Variants in SERPINE2 observed in about 807,000 individuals in gnomAD.
SERPINE2 encodes the protein serpin family E member 2.
A neutral mutation model predicts 36.3 loss-of-function variants in SERPINE2; 14 were observed. That is an observed-to-expected ratio of 0.39 (90% CI 0.25 to 0.60). The LOEUF (loss-of-function observed/expected upper bound fraction) is 0.60. Ranked by LOEUF, SERPINE2 falls within the 20% of genes least tolerant of loss-of-function variation. SERPINE2 has a pLI of 0.57. For synonymous variants in SERPINE2, 192 were observed against 191.8 expected (o/e 1.00, Z -0.01); for missense variants, 418 against 499.6 (o/e 0.84, Z 1.56).
intron 1 of SERPINE2, among the ~76,000 whole-genome samples, chr2:224,029,064 T>C (rs1692277319): frequency 2.0e-5 from 3 of 152,268 alleles, no homozygotes; most frequent in Admixed American, 6.5e-5. Context: ...ATTCATGATT[T>C]ACCACCTTGC....
intron 2 of SERPINE2, among the ~76,000 whole-genome samples, chr2:223,998,817 T>C (rs1036848156): frequency 2.0e-5 from 3 of 151,956 alleles, no homozygotes; most frequent in Admixed American, 1.3e-4. Flanking sequence ...AAGGAGGGAG[T>C]GGGGTTAAAG....
In SERPINE2 at chr2:223,979,925, G is replaced by A. The variant is rs573118378; in HGVS notation, c.1072+386C>T. On this transcript the variant is annotated intron_variant, in intron 7 of 8. Transcript: ENST00000409304. The stretch of plus-strand genomic sequence containing the variant: ...GACAAATCCTGTTTTTATAAATAAA[G>A]TTTTATTGGAACACAGCCACATCTG... 529 of 155,830 alleles carry A rather than the reference G, an allele frequency of 3.4e-3. 3 individuals carry two copies. The highest frequency in any genetic ancestry group is 0.012 in the African/African-American group (514 of 41,702). The allele number at this position is 155,830 out of a possible 1,614,324, so 9.7% of individuals were successfully genotyped here.
intron 1 of SERPINE2, among the ~76,000 whole-genome samples, chr2:224,023,989 T>C (rs1692097844): frequency 6.6e-6 from 1 of 152,224 alleles, no homozygotes; most frequent in African/African-American, 2.4e-5. Flanking sequence ...GAGTTTGAAC[T>C]GGGTACAAGA....
At chr2:223,980,268 C>T in intron 7 of SERPINE2, 43 bp downstream of exon 7, 2 of 1,489,312 alleles carry the variant, frequency 1.3e-6, no homozygotes, top group Middle Eastern at 1.7e-4. Context: ...AATGTGTTTG[C>T]TCCCCTGCTA....
At chr2:224,031,524 C>G (rs1390541121) in intron 1 of SERPINE2, 2 of 985,388 alleles carry the variant, frequency 2.0e-6, no homozygotes, top group Non-Finnish European at 2.4e-6. Context: ...CTCCCTCCTC[C>G]GCCCACAGCC....
At chr2:223,995,497 C>T (rs1690846806) in intron 3 of SERPINE2, among the ~76,000 whole-genome samples, 3 of 152,200 alleles carry the variant, frequency 2.0e-5, no homozygotes, top group African/African-American at 4.8e-5. Context: ...GCTGCTTCTC[C>T]CGTGGCTTTT....
In SERPINE2 at chr2:224,012,392, A is replaced by G. The variant is rs898293239; in HGVS notation, c.-22-10470T>C. Among the ~76,000 whole-genome samples, 6 of 152,284 alleles carry G rather than the reference A, an allele frequency of 3.9e-5. No homozygotes were observed. In the East Asian group the frequency reaches 1.2e-3, roughly 29 times the overall value. Reference sequence around the variant, plus strand: ...AAAGACATGGTAATACATTCTGGATATATCTTAACTGGAAAAAAGTATGGT... The same window carrying G: ...AAAGACATGGTAATACATTCTGGATGTATCTTAACTGGAAAAAAGTATGGT... On this transcript the variant is annotated intron_variant, in intron 1 of 8. Coordinates refer to ENST00000409304, the MANE Select transcript of SERPINE2 (RefSeq NM_001136528.2).
In SERPINE2 at chr2:223,998,386, C is replaced by T. The variant is rs113892582; in HGVS notation, c.260-44G>A. 2.8e-5 allele frequency: 42 copies of T among 1,499,354 alleles called. No individual in the cohort carries two copies. The African/African-American group carries it at 4.7e-4, about 17-fold the overall frequency. The allele number at this position is 1,499,354 out of a possible 1,614,324, so 92.9% of individuals were successfully genotyped here. A position where few individuals can be genotyped will look rare whatever the true frequency, so the allele number is the denominator to read the frequency against. ...GATACAGCAATACTTCCATAAGAAT[C>T]TAGAAAAGTTTTTAAAATCTTTTAT... On this transcript the variant is annotated intron_variant, in intron 2 of 8. Transcript: ENST00000409304.
At chr2:223,995,815 CTCTG>C (rs1415576556) in intron 3 of SERPINE2, among the ~76,000 whole-genome samples, 2 of 152,198 alleles carry the variant, frequency 1.3e-5, no homozygotes, top group Admixed American at 6.5e-5. Context: ...ACATGCCTGT[CTCTG>C]TCTGCTTTTG....
chr2:224,000,740 T>A (rs942224873), intron 2 of SERPINE2, among the ~76,000 whole-genome samples: 1 of 152,170 alleles, frequency 6.6e-6, no homozygotes, highest in South Asian at 2.1e-4. Flanking sequence ...CCTGTGTCCA[T>A]GTGTTCTCAT....
chr2:224,022,013 G>C (rs1283383470), intron 1 of SERPINE2, among the ~76,000 whole-genome samples: 3 of 151,992 alleles, frequency 2.0e-5, no homozygotes, highest in Non-Finnish European at 2.9e-5. Flanking sequence ...CAAAAAATTA[G>C]CCGGGCATGG....
intron 2 of SERPINE2, among the ~76,000 whole-genome samples, chr2:224,000,298 C>T (rs1236417548): frequency 6.6e-6 from 1 of 152,138 alleles, no homozygotes; most frequent in Non-Finnish European, 1.5e-5. Flanking sequence ...AGGGGGGGAG[C>T]CAGTCCTGCT....
intron 1 of SERPINE2, among the ~76,000 whole-genome samples, chr2:224,037,877 A>AT (rs1404745553): frequency 5.3e-5 from 8 of 152,224 alleles, no homozygotes; most frequent in Non-Finnish European, 8.8e-5. Flanking sequence ...ATGGTACGAT[A>AT]TTTTCAAACA....
chr2:223,995,766 AAT>A (rs1690861846), intron 3 of SERPINE2, among the ~76,000 whole-genome samples: 2 of 152,224 alleles, frequency 1.3e-5, no homozygotes, highest in Admixed American at 1.3e-4. Context: ...TTGCATCAGC[AAT>A]AGTTAACACA....
intron 1 of SERPINE2, among the ~76,000 whole-genome samples, chr2:224,035,185 G>A (rs2106206678): frequency 6.6e-6 from 1 of 152,238 alleles, no homozygotes; most frequent in South Asian, 2.1e-4. Context: ...GCATTCCCAG[G>A]CTGTCGATGA....
chr2:223,995,257 G>C (rs1690836032), intron 3 of SERPINE2, among the ~76,000 whole-genome samples: 3 of 152,158 alleles, frequency 2.0e-5, no homozygotes, highest in South Asian at 4.1e-4. Flanking sequence ...TGTAGGGAAG[G>C]AACTATCATT....
chr2:223,997,488 G>C (rs771231613), intron 3 of SERPINE2, among the ~76,000 whole-genome samples: 2 of 152,198 alleles, frequency 1.3e-5, no homozygotes. Flanking sequence ...CCAAAGTGCT[G>C]GGATTACAGG....
chr2:224,031,561 A>C lies in SERPINE2; in HGVS notation c.-23+7538T>G, dbSNP rs964004583. Reference sequence around the variant, plus strand: ...TTGGTACACGGAAGGGCATGTGACCACGTGACCTAGCATCAGCCAATCACA... The same window carrying C: ...TTGGTACACGGAAGGGCATGTGACCCCGTGACCTAGCATCAGCCAATCACA... On this transcript the variant is annotated intron_variant, in intron 1 of 8. Transcript: ENST00000409304. The C allele has an allele frequency of 1.3e-5, 12 of 948,748 alleles. No homozygotes were observed. The African/African-American group carries it at 2.1e-4, about 17-fold the overall frequency. 58.8% of individuals were successfully genotyped at this position (948,748 alleles called of 1,614,324 possible). A position where few individuals can be genotyped will look rare whatever the true frequency, so the allele number is the denominator to read the frequency against.
intron 1 of SERPINE2, among the ~76,000 whole-genome samples, chr2:224,024,275 G>A (rs988056268): frequency 5.9e-5 from 9 of 152,196 alleles, no homozygotes; most frequent in South Asian, 2.1e-4. Flanking sequence ...AAAAAATTTT[G>A]TAAAAAGGTG....
Sources: gnomAD v4.1 joint callset for allele counts (sites outside exome capture counted in the v4.1 genomes callset) on GRCh38, gnomAD v4.1.1 for gene constraint, MANE v1.5 for transcripts, NCBI Gene and HGNC (gene_info 2026-07-23, HGNC 2026-07-21) for gene names.